The following PDE8B variants were observed in gnomAD, a reference collection of about 807,000 sequenced individuals.
PDE8B encodes the protein high affinity cAMP-specific and IBMX-insensitive 3',5'-cyclic phosphodiesterase 8B.
Under a neutral mutation model 101.3 loss-of-function variants are expected in PDE8B, and 26 were observed. The observed-to-expected ratio is 0.26, with a 90% CI of 0.19 to 0.36. The LOEUF (loss-of-function observed/expected upper bound fraction) is 0.36. PDE8B is among the 10% of genes least tolerant of loss of function. PDE8B has a pLI of 1.00. For synonymous variants in PDE8B, 424 were observed against 429.3 expected (o/e 0.99, Z 0.15); for missense variants, 810 against 1,163.1 (o/e 0.70, Z 4.42).
the PDE8B span, among the ~76,000 whole-genome samples, chr5:77,162,940 G>A: frequency 2.0e-5 from 3 of 152,078 alleles, no homozygotes; most frequent in Non-Finnish European, 4.4e-5. Flanking sequence ...CAAACAATTG[G>A]TTCCCATATT....
chr5:77,146,289 A>G, the PDE8B span: 1 of 152,214 alleles, frequency 6.6e-6, no homozygotes, highest in Admixed American at 6.5e-5. Flanking sequence ...ATTGGAGGCC[A>G]AAAGGGTGAA....
At chr5:77,365,495 C>T (rs911583717) in intron 10 of PDE8B, among the ~76,000 whole-genome samples, 1 of 152,204 alleles carries the variant, frequency 6.6e-6, no homozygotes, top group African/African-American at 2.4e-5. Flanking sequence ...CACTGTGGAA[C>T]TGCCAGGGGT....
intron 1 of PDE8B, among the ~76,000 whole-genome samples, chr5:77,281,300 G>C (rs759095331): frequency 3.9e-5 from 6 of 152,178 alleles, no homozygotes; most frequent in African/African-American, 1.4e-4. Context: ...CTAGCTGTTG[G>C]CCAGGATTCT....
chr5:77,091,825 T>G, the PDE8B span, among the ~76,000 whole-genome samples: 2 of 152,206 alleles, frequency 1.3e-5, no homozygotes, highest in South Asian at 4.1e-4. Context: ...CCATTTAACT[T>G]TAAACTGACC....
At chr5:77,359,957 G>C (rs1315278283) in intron 10 of PDE8B, among the ~76,000 whole-genome samples, 2 of 151,936 alleles carry the variant, frequency 1.3e-5, no homozygotes, top group Non-Finnish European at 2.9e-5. Flanking sequence ...TTAGCCAGGC[G>C]TGGTGCACCT....
the PDE8B span, among the ~76,000 whole-genome samples, chr5:77,194,332 G>T: frequency 6.6e-6 from 1 of 152,144 alleles, no homozygotes; most frequent in Non-Finnish European, 1.5e-5. Context: ...TAAATAAGAA[G>T]TGAATTGTCA....
At chr5:77,356,888 C>T (rs1169238570) in intron 10 of PDE8B, among the ~76,000 whole-genome samples, 2 of 152,154 alleles carry the variant, frequency 1.3e-5, no homozygotes, top group East Asian at 3.9e-4. Context: ...CCTCACTTGC[C>T]CTTTTGCAGG....
At chr5:77,202,866 C>G in the PDE8B span, among the ~76,000 whole-genome samples, 3 of 152,168 alleles carry the variant, frequency 2.0e-5, no homozygotes, top group Admixed American at 2.0e-4. Flanking sequence ...TTCCAAAGTG[C>G]TGGGATTACA....
chr5:77,361,099 C>G (rs1783016100), intron 10 of PDE8B, among the ~76,000 whole-genome samples: 1 of 152,218 alleles, frequency 6.6e-6, no homozygotes, highest in Admixed American at 6.5e-5. Flanking sequence ...ATTTTACTAT[C>G]ATGTGTGCTC....
chr5:77,426,122 A>G, intron 21 of PDE8B: 1 of 608,058 alleles, frequency 1.6e-6, no homozygotes, highest in Non-Finnish European at 2.9e-6. Flanking sequence ...TGGATAAACG[A>G]GTCTCTGCCT....
intron 12 of PDE8B, among the ~76,000 whole-genome samples, chr5:77,406,463 A>T (rs543560663): frequency 8.2e-4 from 125 of 152,306 alleles, no homozygotes; most frequent in African/African-American, 2.9e-3. Context: ...GTCTGAGAGG[A>T]TAAGGGATGA....
In PDE8B at chr5:77,384,048, C is replaced by A. The variant is rs571994716; in HGVS notation, c.1168-16200C>A. Among the ~76,000 whole-genome samples the A allele has an allele frequency of 4.6e-5, 7 of 152,280 alleles. No individual in the cohort carries two copies. In the South Asian group the frequency reaches 1.5e-3, roughly 32 times the overall value. On this transcript the variant is annotated intron_variant, in intron 10 of 21. Transcript: ENST00000264917. ...GTCAATGGTAGCTTGATGGGAATAG[C>A]ATTGAATCTCTAAATTACTATGGGC... is the stretch of plus-strand genomic sequence containing the variant.
chr5:77,295,612 A>G (rs910715023), intron 1 of PDE8B, among the ~76,000 whole-genome samples: 1 of 152,164 alleles, frequency 6.6e-6, no homozygotes, highest in African/African-American at 2.4e-5. Flanking sequence ...TTGCCCACCC[A>G]AAGGATACAT....
At chr5:77,404,502 A>C (rs1271814702) in intron 11 of PDE8B, among the ~76,000 whole-genome samples, 1 of 152,236 alleles carries the variant, frequency 6.6e-6, no homozygotes, top group African/African-American at 2.4e-5. Flanking sequence ...ATGATATAAC[A>C]TGGCATTATC....
At chr5:77,282,335 C>T (rs187928324) in intron 1 of PDE8B, among the ~76,000 whole-genome samples, 1 of 152,068 alleles carries the variant, frequency 6.6e-6, no homozygotes, top group East Asian at 2.0e-4. Context: ...AAGTGCAGCT[C>T]AGGAACCCAA....
chr5:77,097,083 T>C, the PDE8B span, among the ~76,000 whole-genome samples: 2 of 152,212 alleles, frequency 1.3e-5, no homozygotes, highest in Non-Finnish European at 2.9e-5. Context: ...TTACTTAGTT[T>C]TTCCTTAATT....
At chr5:77,105,545 T>C in the PDE8B span, 3 of 152,230 alleles carry the variant, frequency 2.0e-5, no homozygotes, top group Non-Finnish European at 4.4e-5. Flanking sequence ...GATGGCTTTA[T>C]TGGGACATAA....
chr5:77,225,308 A>T (rs561763042), intron 1 of PDE8B, among the ~76,000 whole-genome samples: 4 of 152,322 alleles, frequency 2.6e-5, no homozygotes, highest in Non-Finnish European at 5.9e-5. Flanking sequence ...TGATTTTTGA[A>T]TTCCTATAAA....
Position 77,314,708 on chromosome 5 carries a change from G to A in PDE8B, c.399+2655G>A, listed in dbSNP as rs78996292. 5.4e-3 allele frequency among the ~76,000 whole-genome samples: 824 copies of A among 151,906 alleles called. 8 individuals are homozygous for A. Among genetic ancestry groups the A allele is most frequent in the African/African-American group, 0.018 (758 of 41,446 alleles). On this transcript the variant is annotated intron_variant, in intron 2 of 21. Transcript: ENST00000264917. Reference sequence around the variant, plus strand: ...AGATGCTTTTTTTTCTTCTCTTGCCGAATTGCCCTAGCTAAAACCTCCAGA... The same window carrying A: ...AGATGCTTTTTTTTCTTCTCTTGCCAAATTGCCCTAGCTAAAACCTCCAGA...
Sources: allele counts gnomAD v4.1 joint callset (sites outside exome capture counted in the v4.1 genomes callset), GRCh38; gene constraint gnomAD v4.1.1; transcripts MANE v1.5; gene names NCBI Gene and HGNC (gene_info 2026-07-23, HGNC 2026-07-21).